Variants in LRRC31 observed in about 807,000 individuals in gnomAD.
LRRC31 encodes leucine rich repeat containing 31, also known as leucine-rich repeat-containing protein 31.
Under a neutral mutation model 46.7 loss-of-function variants are expected in LRRC31, and 35 were observed. The ratio of observed to expected loss-of-function variants is 0.75; its 90% CI spans 0.57 to 0.99. The LOEUF is 0.99. Among genes scored for constraint, LRRC31 ranks in the 50% least tolerant of loss-of-function variants. The pLI, the probability that LRRC31 is intolerant of heterozygous loss-of-function variation, is 0.00. For synonymous variants in LRRC31, 236 were observed against 235.1 expected (o/e 1.00, Z -0.03); for missense variants, 613 against 626.1 (o/e 0.98, Z 0.22).
At chr3:169,864,819 G>C (rs1021194912) in intron 1 of LRRC31, among the ~76,000 whole-genome samples, 1 of 152,192 alleles carries the variant, frequency 6.6e-6, no homozygotes, top group African/African-American at 2.4e-5. Context: ...GCTCATGCCT[G>C]TGATCCCAGC....
chr3:169,861,654 T>G lies in LRRC31; in HGVS notation c.319+16A>C. 6.2e-7 allele frequency: 1 copy of G among 1,611,898 alleles called. No homozygotes were observed. Among genetic ancestry groups the G allele is most frequent in the Non-Finnish European group, 8.5e-7 (1 of 1,179,098 alleles). On this transcript the variant is annotated intron_variant, in intron 2 of 8. Transcript: ENST00000316428. ...AGGCCCTATCTTCCTCTATGCAAAG[T>G]CTGCTGCATACAGACCCATTTCTTT...
rs769479754 is a variant in LRRC31, at chr3:169,856,702, T to C, written c.655+3A>G. 12 of 1,554,608 alleles carry C rather than the reference T, an allele frequency of 7.7e-6. No individual in the cohort carries two copies. The highest frequency in any genetic ancestry group is 4.6e-5 in the East Asian group (2 of 43,374). ...TTTTTTTTTCTCTTCAAATTCCACT[T>C]ACCCAGAAATGTCCCATCTTCTGAC... On this transcript the variant is annotated splice_donor_region_variant and intron_variant, in intron 4 of 8. Coordinates refer to ENST00000316428, the MANE Select transcript of LRRC31 (RefSeq NM_024727.4).
At chr3:169,848,943 C>T (rs1780681383) in intron 7 of LRRC31, among the ~76,000 whole-genome samples, 1 of 152,218 alleles carries the variant, frequency 6.6e-6, no homozygotes, top group Non-Finnish European at 1.5e-5. Context: ...TTTCACTGCA[C>T]AGTCACTGCT....
intron 1 of LRRC31, among the ~76,000 whole-genome samples, chr3:169,864,430 A>AT (rs747936352): frequency 1.5e-4 from 23 of 152,286 alleles, no homozygotes; most frequent in Middle Eastern, 3.4e-3. Context: ...CAGTCAAAAG[A>AT]CCTGATCCAA....
chr3:169,858,855 A>C (rs907467220), intron 3 of LRRC31, among the ~76,000 whole-genome samples: 1 of 151,972 alleles, frequency 6.6e-6, no homozygotes, highest in Admixed American at 6.6e-5. Context: ...AATACAAAAA[A>C]ATTAGCCAGG....
chr3:169,865,202 A>AT (rs1351245384), intron 1 of LRRC31, among the ~76,000 whole-genome samples: 2 of 150,926 alleles, frequency 1.3e-5, no homozygotes, highest in Non-Finnish European at 3.0e-5. Context: ...GTGAGCCGAG[A>AT]TTGCGCCACT....
chr3:169,840,375 C>A (rs764427401), intron 8 of LRRC31, 62 bp from the exon 9 acceptor site: 35 of 1,513,342 alleles, frequency 2.3e-5, no homozygotes, highest in African/African-American at 4.1e-5. Context: ...TGGCTATTCC[C>A]ATTTCCCATA....
At chr3:169,851,308 G>A (rs1304190243) in intron 7 of LRRC31, among the ~76,000 whole-genome samples, 2 of 152,104 alleles carry the variant, frequency 1.3e-5, no homozygotes, top group African/African-American at 4.8e-5. Context: ...AGCTACTCAG[G>A]AGGCTGAGGC....
chr3:169,849,629 C>A (rs1780699130), intron 7 of LRRC31, among the ~76,000 whole-genome samples: 1 of 152,208 alleles, frequency 6.6e-6, no homozygotes, highest in African/African-American at 2.4e-5. Context: ...CATGATAGTG[C>A]CACTGCACTC....
rs1321277588 is a variant in LRRC31, at chr3:169,848,149, G to T, written c.1298C>A (p.Ser433Tyr). The T allele has an allele frequency of 6.2e-7, 1 of 1,613,980 alleles. No individual in the cohort carries two copies. The highest frequency in any genetic ancestry group is 2.2e-5 in the East Asian group (1 of 44,882). Residue 433 changes from serine (S) to tyrosine (Y), a missense_variant, in exon 8 of 9, where the codon TCC becomes TAC. Ser to Tyr is a moderately radical substitution (Grantham distance 144). Transcript: ENST00000316428. ...SLQVLRLSSC[S>Y]LVTEDVALLA... ...GAGAGCCACATCCTCTGTCACCAGG[G>T]AACAGCTGCTCAGCCTCAGCACTTG...
chr3:169,851,858 A>G (rs572625315), intron 6 of LRRC31, 72 bp from the exon 7 acceptor site: 2 of 1,487,036 alleles, frequency 1.3e-6, no homozygotes, highest in African/African-American at 1.4e-5. Flanking sequence ...TTTGGTTCCC[A>G]CAATCTGTTT....
At chr3:169,857,401 C>CATAT (rs1322526510) in intron 3 of LRRC31, among the ~76,000 whole-genome samples, 11 of 78,306 alleles carry the variant, frequency 1.4e-4, no homozygotes, top group Non-Finnish European at 2.8e-4. Context: ...TACATACACA[C>CATAT]ACATATACAT....
At chr3:169,861,869 CATA>C (rs1280756099) in intron 1 of LRRC31, 56 bp from the exon 2 acceptor site, 1 of 1,531,490 alleles carries the variant, frequency 6.5e-7, no homozygotes, top group African/African-American at 1.4e-5. Context: ...ATTAAAGATG[CATA>C]ATGACCACAA....
intron 8 of LRRC31, among the ~76,000 whole-genome samples, chr3:169,841,037 C>T (rs1319995446): frequency 6.6e-6 from 1 of 152,206 alleles, no homozygotes; most frequent in Non-Finnish European, 1.5e-5. Context: ...CTCAGCGTTG[C>T]AAGGGATCTT....
chr3:169,862,896 T>TG (rs1246459699), intron 1 of LRRC31, among the ~76,000 whole-genome samples: 1 of 151,812 alleles, frequency 6.6e-6, no homozygotes, highest in Admixed American at 6.6e-5. Context: ...TTTTTTTTGT[T>TG]GGGGGGGATG....
intron 2 of LRRC31, among the ~76,000 whole-genome samples, chr3:169,861,347 G>A (rs1343849405): frequency 4.0e-5 from 6 of 150,328 alleles, no homozygotes; most frequent in African/African-American, 1.5e-4. Context: ...GATTACAGGC[G>A]TGAGCCACTG....
intron 1 of LRRC31, among the ~76,000 whole-genome samples, chr3:169,865,360 G>A (rs956481552): frequency 2.6e-5 from 4 of 152,214 alleles, no homozygotes; most frequent in East Asian, 1.9e-4. Context: ...AGGCTGGAGT[G>A]GGGTGGGAGG....
rs1781120167 is a variant in LRRC31 at position 169,860,549 on chromosome 3, C to T, written c.487+12G>A. 6.8e-6 allele frequency: 11 copies of T among 1,613,352 alleles called. No homozygotes were observed. The highest frequency in any genetic ancestry group is 1.3e-5 in the African/African-American group (1 of 74,906). On this transcript the variant is annotated intron_variant, in intron 3 of 8. Coordinates refer to ENST00000316428, the MANE Select transcript of LRRC31 (RefSeq NM_024727.4). ...GGCCGAATCCATCTTTTAAGAAATG[C>T]ATTCATCATACCCAGTGCTTGAACA...
chr3:169,843,640 A>C (rs75872018), intron 8 of LRRC31, among the ~76,000 whole-genome samples: 3,657 of 152,314 alleles, frequency 0.024, 74 homozygotes, highest in Non-Finnish European at 0.034. Flanking sequence ...TTTAAAAAGA[A>C]CTGTGAACAA....
Sources: gnomAD v4.1 joint callset for allele counts (sites outside exome capture counted in the v4.1 genomes callset) on GRCh38, gnomAD v4.1.1 for gene constraint, MANE v1.5 for transcripts, NCBI Gene and HGNC (gene_info 2026-07-23, HGNC 2026-07-21) for gene names.